FAHD2B: variants seen among roughly 807,000 people sequenced by gnomAD.
The protein encoded by FAHD2B is fumarylacetoacetate hydrolase domain containing 2B.
FAHD2B carries 26 observed loss-of-function variants against 33.7 expected under a neutral mutation model. The observed-to-expected ratio is 0.77, with a 90% CI of 0.57 to 1.07. The LOEUF (loss-of-function observed/expected upper bound fraction) is 1.07. Among genes scored for constraint, FAHD2B ranks in the 50% least tolerant of loss-of-function variants. The pLI is 0.00. For missense variants in FAHD2B, 272 were observed against 388.1 expected, an observed-to-expected ratio of 0.70 and a Z score of 2.51; for synonymous variants, 108 against 150.9, an observed-to-expected ratio of 0.72 and a Z score of 2.08.
intron 6 of FAHD2B, 137 bp from the exon 7 acceptor site, chr2:97,084,414 A>C (rs2031824000): frequency 1.1e-6 from 1 of 948,376 alleles, no homozygotes; most frequent in South Asian, 1.7e-5. Flanking sequence ...GACTCAGTGC[A>C]CTATGTTAGA....
chr2:97,081,138 G>A (rs1218610035), downstream of FAHD2B: 86 of 1,472,738 alleles, frequency 5.8e-5, 1 homozygote, highest in Non-Finnish European at 7.1e-5. Context: ...GCAGAGTGCC[G>A]CCCCAGGGGC....
downstream of FAHD2B, chr2:97,082,410 A>G: frequency 1.2e-6 from 2 of 1,613,714 alleles, no homozygotes; most frequent in Non-Finnish European, 1.7e-6. Context: ...GTCGGGCTAC[A>G]CAGACCAGCT....
chr2:97,081,257 C>T, downstream of FAHD2B: 1 of 1,479,028 alleles, frequency 6.8e-7, no homozygotes. Context: ...AAGGTCAGGC[C>T]TCCCCTACGG....
Position 97,083,986 on chromosome 2 carries a change from C to G in FAHD2B, c.844G>C (p.Gly282Arg). The change falls in exon 8 of 9, where the codon GGT (glycine) becomes CGT (arginine). Residue 282 changes from glycine (G) to arginine (R), a missense_variant. Coordinates refer to ENST00000414820, the MANE Select transcript of FAHD2B (RefSeq NM_001320848.2). ...GGAGGTTTCCTGAATACACCGACAC[C>G]TGGGGGGGTCCCAGTTAGGATGACA... is the stretch of plus-strand genomic sequence containing the variant. ...GDVILTGTPP[G>R]VGVFRKPPVF... 6.2e-7 allele frequency: 1 copy of G among 1,613,812 alleles called. No individual in the cohort carries two copies. The highest frequency in any genetic ancestry group is 8.5e-7 in the Non-Finnish European group (1 of 1,179,990).
At chr2:97,082,826 C>A, downstream of FAHD2B, 2 of 1,067,558 alleles carry the variant, frequency 1.9e-6, no homozygotes, top group Non-Finnish European at 2.9e-6. Flanking sequence ...CTCAGGGAAA[C>A]CCAGCTATGT....
At chr2:97,092,450 C>T (rs1173773400) in intron 1 of FAHD2B, among the ~76,000 whole-genome samples, 1 of 152,088 alleles carries the variant, frequency 6.6e-6, no homozygotes, top group Non-Finnish European at 1.5e-5. Flanking sequence ...AAGGTCTAGG[C>T]CTGACAGCCA....
chr2:97,080,331 C>G (rs1435994492), downstream of FAHD2B, among the ~76,000 whole-genome samples: 3 of 152,060 alleles, frequency 2.0e-5, no homozygotes, highest in East Asian at 1.9e-4. Context: ...TTCCCAGCAC[C>G]ATTTATTAGA....
Position 97,085,811 on chromosome 2 carries a change from C to T in FAHD2B, c.573G>A (p.Val191=). The T allele has an allele frequency of 3.7e-6, 6 of 1,613,870 alleles. No individual in the cohort carries two copies. The highest frequency in any genetic ancestry group is 4.2e-6 in the Non-Finnish European group (5 of 1,179,860). ...GTCTTGTTAGCCAGTCACGAGCACT[C>T]ACGTCATGAGCCACAGTGAAGCCGG... ...HVAGFTVAHD[V]SARDWLTRRN... The change falls in exon 6 of 9, where the codon GTG becomes GTA. Residue 191 remains valine (V), a synonymous_variant. Transcript: ENST00000414820.
downstream of FAHD2B, chr2:97,081,597 G>A (rs1054941222): frequency 3.9e-5 from 59 of 1,508,772 alleles, no homozygotes; most frequent in Non-Finnish European, 5.1e-5. Flanking sequence ...AGCTGCCCCA[G>A]GCTCCTCCTC....
At chr2:97,084,740 T>C (rs2031853184) in intron 6 of FAHD2B, among the ~76,000 whole-genome samples, 1 of 151,796 alleles carries the variant, frequency 6.6e-6, no homozygotes, top group African/African-American at 2.4e-5. Flanking sequence ...TGAGTGCTTG[T>C]CTCTATGCAA....
At chr2:97,084,910 CAAAA>C (rs11314789) in intron 6 of FAHD2B, among the ~76,000 whole-genome samples, 1 of 67,938 alleles carries the variant, frequency 1.5e-5, no homozygotes, top group Admixed American at 1.6e-4. Flanking sequence ...AAGACCATGC[CAAAA>C]AAAAAAAAAA....
chr2:97,081,248 A>T (rs1434978972), downstream of FAHD2B: 8 of 1,482,782 alleles, frequency 5.4e-6, no homozygotes, highest in Non-Finnish European at 7.2e-6. Flanking sequence ...CTGCTGCTAA[A>T]GGTCAGGCCT....
intron 1 of FAHD2B, among the ~76,000 whole-genome samples, chr2:97,092,670 C>G (rs1188490251): frequency 6.6e-6 from 1 of 152,046 alleles, no homozygotes; most frequent in African/African-American, 2.4e-5. Flanking sequence ...CTCAAATCAC[C>G]TAGAAAGTAT....
chr2:97,091,678 A>G lies in FAHD2B; in HGVS notation c.29T>C (p.Leu10Pro). MLVSGRRRL[L>P]TALLQAQKWP... ...CTTCTGAGCCTGCAGCAGAGCTGTGAGTAATCTTCTTCTACCAGACACCAG... is the reference window on the plus strand; with the variant it reads ...CTTCTGAGCCTGCAGCAGAGCTGTGGGTAATCTTCTTCTACCAGACACCAG... The change falls in exon 3 of 9, where the codon CTC (leucine) becomes CCC (proline). Residue 10 changes from leucine to proline, a missense_variant. Coordinates refer to ENST00000414820, the MANE Select transcript of FAHD2B (RefSeq NM_001320848.2). 5.6e-6 allele frequency: 9 copies of G among 1,613,232 alleles called. No individual in the cohort carries two copies. Among genetic ancestry groups the G allele is most frequent in the Non-Finnish European group, 5.1e-6 (6 of 1,179,464 alleles).
intron 1 of FAHD2B, among the ~76,000 whole-genome samples, chr2:97,092,335 T>C (rs190091272): frequency 3.3e-5 from 5 of 152,260 alleles, no homozygotes; most frequent in Non-Finnish European, 7.3e-5. Context: ...AGGCTGTCCT[T>C]GTCTTCTAGG....
Position 97,090,147 on chromosome 2 carries a change from C to T in FAHD2B, c.424G>A (p.Gly142Arg). The T allele has an allele frequency of 6.2e-7, 1 of 1,608,882 alleles. No homozygotes were observed. The highest frequency in any genetic ancestry group is 1.3e-5 in the African/African-American group (1 of 74,856). Residue 142 changes from glycine (G) to arginine (R), a missense_variant, in exon 4 of 9, where the codon GGG (glycine) becomes AGG (arginine). Coordinates refer to ENST00000414820, the MANE Select transcript of FAHD2B (RefSeq NM_001320848.2). ...IFSKFASSIV[G>R]PYDEVVLPPQ... is the part of the protein sequence containing the mutation. Reference sequence around the variant, plus strand: ...GGGAGGACCACCTCATCATAGGGCCCCACGATGGAGCTGGCAAACTTGCTG... The same window carrying T: ...GGGAGGACCACCTCATCATAGGGCCTCACGATGGAGCTGGCAAACTTGCTG...
chr2:97,086,248 A>T (rs759478856), intron 4 of FAHD2B, 50 bp from the exon 5 acceptor site: 2 of 1,597,808 alleles, frequency 1.3e-6, no homozygotes, highest in South Asian at 1.1e-5. Context: ...GGGGCCCATT[A>T]TCTATGCTCA....
rs2031787487 is a variant in FAHD2B, at chr2:97,084,045, A to C, written c.795-10T>G. ...GTAAAAGGTAACAAACCTGGAGCAA[A>C]GCAAAAGGACCCAGTGAGACCAGGG... On this transcript the variant is annotated splice_polypyrimidine_tract_variant and intron_variant, in intron 7 of 8. Transcript: ENST00000414820. 2 of 1,613,418 alleles carry C rather than the reference A, an allele frequency of 1.2e-6. No individual in the cohort carries two copies. The highest frequency in any genetic ancestry group is 2.2e-5 in the South Asian group (2 of 90,902).
chr2:97,079,481 A>G (rs549772921), downstream of FAHD2B, among the ~76,000 whole-genome samples: 2 of 152,128 alleles, frequency 1.3e-5, no homozygotes, highest in African/African-American at 2.4e-5. Context: ...GGTGTGAGAT[A>G]GTATCTCACT....
Sources: gnomAD v4.1 joint callset for allele counts (sites outside exome capture counted in the v4.1 genomes callset) on GRCh38, gnomAD v4.1.1 for gene constraint, MANE v1.5 for transcripts, NCBI Gene and HGNC (gene_info 2026-07-23, HGNC 2026-07-21) for gene names.